Variants in LRRC7 observed in about 807,000 individuals in gnomAD.
LRRC7 encodes the protein leucine-rich repeat-containing protein 7.
A neutral mutation model predicts 175.7 loss-of-function variants in LRRC7; 23 were observed. That is an observed-to-expected ratio of 0.13 (90% CI 0.09 to 0.19). LRRC7 has a LOEUF of 0.19. LRRC7 is among the 10% of genes least tolerant of loss of function. LRRC7 has a pLI of 1.00. For missense variants in LRRC7, 1,354 were observed against 1,904.7 expected, an observed-to-expected ratio of 0.71 and a Z score of 5.38; for synonymous variants, 685 against 680.9, an observed-to-expected ratio of 1.01 and a Z score of -0.09.
intron 4 of LRRC7, among the ~76,000 whole-genome samples, chr1:69,824,952 T>C (rs2101239534): frequency 6.6e-6 from 1 of 152,316 alleles, no homozygotes; most frequent in East Asian, 1.9e-4. Context: ...TTTCTGTCAA[T>C]TGATTGAAAT....
intron 7 of LRRC7, among the ~76,000 whole-genome samples, chr1:69,860,330 G>T (rs1281338232): frequency 1.3e-5 from 2 of 151,650 alleles, no homozygotes; most frequent in Non-Finnish European, 2.9e-5. Flanking sequence ...AACTCACAAA[G>T]TATAATTATA....
chr1:70,126,069 T>C lies in LRRC7; in HGVS notation c.*4182T>C, dbSNP rs954235890. On this transcript the variant is annotated 3_prime_UTR_variant, in exon 27 of 27. Transcript: ENST00000651989. Reference sequence around the variant, plus strand: ...TATGTTTACTAACTGTTAAGGACAGTCTTAACGCTGTCCCTAACCAATTTC... The same window carrying C: ...TATGTTTACTAACTGTTAAGGACAGCCTTAACGCTGTCCCTAACCAATTTC... Among the ~76,000 whole-genome samples the C allele has an allele frequency of 6.6e-6, 1 of 152,100 alleles. No individual in the cohort carries two copies. The highest frequency in any genetic ancestry group is 1.5e-5 in the Non-Finnish European group (1 of 68,024).
chr1:69,991,135 G>A (rs1177407209), intron 10 of LRRC7, among the ~76,000 whole-genome samples: 1 of 134,504 alleles, frequency 7.4e-6, no homozygotes, highest in Non-Finnish European at 1.6e-5. Context: ...CAACCTGGGT[G>A]ACAGAATGGG....
At chr1:69,896,195 T>G (rs77293929) in intron 7 of LRRC7, among the ~76,000 whole-genome samples, 11,875 of 152,152 alleles carry the variant, frequency 0.078, 580 homozygotes, top group Middle Eastern at 0.12. Flanking sequence ...GTACATATTT[T>G]CAGGGTACAT....
intron 1 of LRRC7, among the ~76,000 whole-genome samples, chr1:69,614,177 T>C (rs1649254366): frequency 6.6e-6 from 1 of 152,018 alleles, no homozygotes; most frequent in African/African-American, 2.4e-5. Context: ...AACTCTTCAT[T>C]GAAAAATTTT....
chr1:69,796,444 C>T (rs1323782315), intron 4 of LRRC7, among the ~76,000 whole-genome samples: 2 of 152,018 alleles, frequency 1.3e-5, no homozygotes, highest in Non-Finnish European at 2.9e-5. Context: ...ACCCCTTCCT[C>T]CCTACTGCTG....
chr1:69,715,908 T>C lies in LRRC7; in HGVS notation c.100+37430T>C, dbSNP rs556988227. Among the ~76,000 whole-genome samples the C allele has an allele frequency of 3.1e-4, 47 of 152,154 alleles. 2 individuals carry two copies. Among genetic ancestry groups the C allele is most frequent in the African/African-American group, 1.1e-3 (47 of 41,570 alleles). ...ACCAAAATGTTGCATTAAGGAAGAA[T>C]GTTGGACAACAGTATCATCCTTTTA... On this transcript the variant is annotated intron_variant, in intron 2 of 26. Coordinates refer to ENST00000651989, the MANE Select transcript of LRRC7 (RefSeq NM_001370785.2).
chr1:69,571,687 C>T (rs1645744629), intron 1 of LRRC7, among the ~76,000 whole-genome samples: 1 of 152,008 alleles, frequency 6.6e-6, no homozygotes, highest in South Asian at 2.1e-4. Flanking sequence ...ATCAAAATTA[C>T]ACTTAGAGAT....
At chr1:69,613,214 T>C (rs1468682032) in intron 1 of LRRC7, among the ~76,000 whole-genome samples, 1 of 152,074 alleles carries the variant, frequency 6.6e-6, no homozygotes, top group African/African-American at 2.4e-5. Context: ...AGTGAGGGCC[T>C]TCCTTCCTGA....
chr1:70,020,579 C>G (rs1657381932), intron 15 of LRRC7, among the ~76,000 whole-genome samples: 1 of 152,012 alleles, frequency 6.6e-6, no homozygotes, highest in African/African-American at 2.4e-5. Context: ...CCTGCACTAG[C>G]CACTGAGAAG....
chr1:69,763,903 T>C (rs1353346253), intron 3 of LRRC7, among the ~76,000 whole-genome samples: 1 of 152,080 alleles, frequency 6.6e-6, no homozygotes, highest in East Asian at 1.9e-4. Flanking sequence ...ATCTTTTACA[T>C]ATGTATCTAT....
At chr1:69,929,939 G>C (rs530305771) in intron 7 of LRRC7, among the ~76,000 whole-genome samples, 2 of 152,038 alleles carry the variant, frequency 1.3e-5, no homozygotes, top group Admixed American at 6.6e-5. Flanking sequence ...CTTCAAGCAA[G>C]TAAAATGTCC....
intron 2 of LRRC7, among the ~76,000 whole-genome samples, chr1:69,758,713 T>G (rs947371238): frequency 1.3e-5 from 2 of 152,076 alleles, no homozygotes; most frequent in African/African-American, 4.8e-5. Context: ...TTAGTGGCCA[T>G]GTTTGCGCAG....
intron 7 of LRRC7, among the ~76,000 whole-genome samples, chr1:69,895,418 C>T (rs941793596): frequency 1.3e-5 from 2 of 152,116 alleles, no homozygotes; most frequent in Non-Finnish European, 2.9e-5. Context: ...TATACAAACT[C>T]ACCAAACTGT....
intron 3 of LRRC7, among the ~76,000 whole-genome samples, chr1:69,764,781 A>ATAGG (rs1671447524): frequency 1.4e-5 from 2 of 141,672 alleles, no homozygotes; most frequent in Non-Finnish European, 3.2e-5. Flanking sequence ...AGATAGATAG[A>ATAGG]CAGACAGACA....
At chr1:69,936,052 C>T (rs1356926251) in intron 8 of LRRC7, among the ~76,000 whole-genome samples, 33 of 152,050 alleles carry the variant, frequency 2.2e-4, no homozygotes, top group Non-Finnish European at 1.5e-5. Context: ...TATTAAGTAG[C>T]ATTTCCTTTC....
chr1:69,728,619 G>C (rs530457408), intron 2 of LRRC7, among the ~76,000 whole-genome samples: 1 of 152,280 alleles, frequency 6.6e-6, no homozygotes, highest in African/African-American at 2.4e-5. Flanking sequence ...ATGAGCCAAA[G>C]AAATGTGAAA....
intron 2 of LRRC7, among the ~76,000 whole-genome samples, chr1:69,743,559 T>C (rs1188174029): frequency 6.6e-6 from 1 of 151,932 alleles, no homozygotes; most frequent in African/African-American, 2.4e-5. Context: ...TCCAGCATTG[T>C]TAAAAAAGGA....
chr1:69,743,516 G>A (rs746450414), intron 2 of LRRC7, among the ~76,000 whole-genome samples: 4 of 152,012 alleles, frequency 2.6e-5, no homozygotes, highest in Non-Finnish European at 4.4e-5. Context: ...AATTTAACAT[G>A]TCAAAGCGAG....
Sources: allele counts gnomAD v4.1 joint callset (sites outside exome capture counted in the v4.1 genomes callset), GRCh38; gene constraint gnomAD v4.1.1; transcripts MANE v1.5; gene names NCBI Gene and HGNC (gene_info 2026-07-23, HGNC 2026-07-21).